Variants in MAPKAP1 observed in about 807,000 individuals in gnomAD.
The protein encoded by MAPKAP1 is target of rapamycin complex 2 subunit MAPKAP1.
In MAPKAP1, 20 loss-of-function variants were observed where a neutral mutation model predicts 65.7. That is an observed-to-expected ratio of 0.30 (90% CI 0.21 to 0.44). The LOEUF (loss-of-function observed/expected upper bound fraction) is 0.44. MAPKAP1 is among the 20% of genes least tolerant of loss of function. The pLI, the probability that MAPKAP1 is intolerant of heterozygous loss-of-function variation, is 1.00. For missense variants in MAPKAP1, 423 were observed against 648.0 expected, an observed-to-expected ratio of 0.65 and a Z score of 3.77; for synonymous variants, 222 against 244.3, an observed-to-expected ratio of 0.91 and a Z score of 0.85.
intron 10 of MAPKAP1, among the ~76,000 whole-genome samples, chr9:125,462,075 G>T (rs956290567): frequency 6.6e-5 from 10 of 152,214 alleles, no homozygotes; most frequent in Admixed American, 5.9e-4. Context: ...TTAGGAACTA[G>T]AATGCCTATC....
intron 9 of MAPKAP1, among the ~76,000 whole-genome samples, chr9:125,475,600 C>T (rs899581525): frequency 5.3e-5 from 8 of 152,212 alleles, no homozygotes; most frequent in Non-Finnish European, 7.3e-5. Flanking sequence ...GAACGCAGAG[C>T]AGCAGTCAGC....
intron 9 of MAPKAP1, among the ~76,000 whole-genome samples, chr9:125,470,620 T>C (rs996161145): frequency 2.6e-5 from 4 of 152,234 alleles, no homozygotes; most frequent in African/African-American, 9.6e-5. Context: ...TCTGCATCAA[T>C]TGCCTAAGCT....
intron 4 of MAPKAP1, among the ~76,000 whole-genome samples, chr9:125,597,913 T>A (rs772973986): frequency 1.2e-4 from 18 of 152,158 alleles, no homozygotes; most frequent in African/African-American, 4.1e-4. Context: ...TTTAATAACA[T>A]AGTAGGCAGA....
At chr9:125,577,846 G>A (rs1424130698) in intron 5 of MAPKAP1, among the ~76,000 whole-genome samples, 1 of 150,898 alleles carries the variant, frequency 6.6e-6, no homozygotes. Flanking sequence ...CGCCCCGTCC[G>A]GGAGCTGAGG....
rs770234791 is a variant in MAPKAP1, at chr9:125,707,118, C to G, written c.-217G>C. ...CCGGCGCTCCTCCCGGCCCGCTCAG[C>G]TGCCGCTTCCCGGGTTAGCCCTCAT... On this transcript the variant is annotated 5_prime_UTR_variant, in exon 1 of 12. Coordinates refer to ENST00000265960, the MANE Select transcript of MAPKAP1 (RefSeq NM_001006617.3). 1 of 398,334 alleles carries G rather than the reference C, an allele frequency of 2.5e-6. No individual in the cohort carries two copies. Among genetic ancestry groups the G allele is most frequent in the East Asian group, 3.6e-5 (1 of 28,048 alleles). The allele number at this position is 398,334 out of a possible 1,614,324, so 24.7% of individuals were successfully genotyped here.
intron 10 of MAPKAP1, among the ~76,000 whole-genome samples, chr9:125,457,062 C>T (rs557360244): frequency 6.6e-6 from 1 of 150,642 alleles, no homozygotes; most frequent in East Asian, 2.0e-4. Context: ...GATCCTGGCT[C>T]ACTGCAACCT....
At chr9:125,623,409 G>A (rs1192250323) in intron 4 of MAPKAP1, among the ~76,000 whole-genome samples, 32 of 35,382 alleles carry the variant, frequency 9.0e-4, no homozygotes, top group Admixed American at 2.0e-3. Flanking sequence ...CTGCCCGGCC[G>A]CCCATCGTCT....
At chr9:125,692,702 G>C (rs1166556734) in intron 1 of MAPKAP1, among the ~76,000 whole-genome samples, 5 of 152,088 alleles carry the variant, frequency 3.3e-5, no homozygotes, top group Non-Finnish European at 7.4e-5. Flanking sequence ...AGGAAGGCTA[G>C]AATCCATGCT....
At chr9:125,500,342 C>T (rs951669925) in intron 8 of MAPKAP1, among the ~76,000 whole-genome samples, 3 of 150,990 alleles carry the variant, frequency 2.0e-5, no homozygotes, top group Non-Finnish European at 4.4e-5. Flanking sequence ...TGCCTGCCAC[C>T]ATCCCTGGCT....
chr9:125,447,128 C>T lies in MAPKAP1; in HGVS notation c.1346-2530G>A, dbSNP rs1852748166. 6.6e-6 allele frequency among the ~76,000 whole-genome samples: 1 copy of T among 152,136 alleles called. No individual in the cohort carries two copies. The highest frequency in any genetic ancestry group is 1.5e-5 in the Non-Finnish European group (1 of 68,032). On this transcript the variant is annotated intron_variant, in intron 10 of 11. Coordinates refer to ENST00000265960, the MANE Select transcript of MAPKAP1 (RefSeq NM_001006617.3). This position sits in a 1 kb window ranked among gnomAD's most constrained non-coding sequence, Gnocchi z 4.5. ...AGGCTGCATATTTGAACCAAGTAAC[C>T]TCAAATCCCGTCCTCTGAATTTTGA...
intron 1 of MAPKAP1, among the ~76,000 whole-genome samples, chr9:125,678,402 C>G (rs1200868833): frequency 6.6e-6 from 1 of 152,122 alleles, no homozygotes; most frequent in Non-Finnish European, 1.5e-5. Flanking sequence ...GCCACCACGC[C>G]TGGCTAATTT....
At chr9:125,554,544 A>T (rs143234665) in intron 6 of MAPKAP1, among the ~76,000 whole-genome samples, 3 of 152,282 alleles carry the variant, frequency 2.0e-5, no homozygotes, top group African/African-American at 4.8e-5. Flanking sequence ...CATGCCTGTA[A>T]TCCTAACACT....
rs575400450 is a variant in MAPKAP1 at position 125,533,291 on chromosome 9, A to G, written c.958+9768T>C. Among the ~76,000 whole-genome samples, 4 of 152,334 alleles carry G rather than the reference A, an allele frequency of 2.6e-5. No individual in the cohort carries two copies. The South Asian group carries it at 8.3e-4, about 32-fold the overall frequency. On this transcript the variant is annotated intron_variant, in intron 7 of 11. Coordinates refer to ENST00000265960, the MANE Select transcript of MAPKAP1 (RefSeq NM_001006617.3). ...GCTAATAAATACATTTAAAAATACTAAACGACACTAAAGACCCAGAAATGC... is the reference window on the plus strand; with the variant it reads ...GCTAATAAATACATTTAAAAATACTGAACGACACTAAAGACCCAGAAATGC...
intron 9 of MAPKAP1, 130 bp downstream of exon 9, chr9:125,484,313 A>G (rs1415530437): frequency 2.0e-6 from 2 of 979,994 alleles, no homozygotes; most frequent in Non-Finnish European, 2.8e-6. Context: ...TCCATTGTTT[A>G]AACATTTTCT....
At chr9:125,529,923 T>C (rs1829886739) in intron 7 of MAPKAP1, among the ~76,000 whole-genome samples, 2 of 152,264 alleles carry the variant, frequency 1.3e-5, no homozygotes, top group African/African-American at 2.4e-5. Context: ...TTCTTTTCTT[T>C]ATAATGCACT....
chr9:125,507,706 T>A (rs1168462938), intron 7 of MAPKAP1, among the ~76,000 whole-genome samples: 2 of 152,236 alleles, frequency 1.3e-5, no homozygotes, highest in African/African-American at 4.8e-5. Flanking sequence ...TAAATAAAGC[T>A]TTTAAACCTT....
At chr9:125,555,522 G>A (rs982409973) in intron 6 of MAPKAP1, among the ~76,000 whole-genome samples, 3 of 152,246 alleles carry the variant, frequency 2.0e-5, no homozygotes, top group East Asian at 1.9e-4. Flanking sequence ...GTCAGAAGGC[G>A]ACATGGGCTT....
intron 1 of MAPKAP1, among the ~76,000 whole-genome samples, chr9:125,691,594 T>C (rs1416715177): frequency 6.6e-6 from 1 of 151,190 alleles, no homozygotes; most frequent in Non-Finnish European, 1.5e-5. Context: ...CCAGGGAGAA[T>C]ATGTAAGAAG....
At chr9:125,443,997 G>T (rs1388021408) in intron 11 of MAPKAP1, among the ~76,000 whole-genome samples, 1 of 152,130 alleles carries the variant, frequency 6.6e-6, no homozygotes, top group Non-Finnish European at 1.5e-5. Context: ...GGCATCCCAG[G>T]CCGTGGCCAG....
Sources: allele counts gnomAD v4.1 joint callset (sites outside exome capture counted in the v4.1 genomes callset), GRCh38; gene constraint gnomAD v4.1.1; non-coding constraint Gnocchi (gnomAD v3.1); transcripts MANE v1.5; gene names NCBI Gene and HGNC (gene_info 2026-07-23, HGNC 2026-07-21).